TTC27: variants seen among roughly 807,000 people sequenced by gnomAD.
TTC27 encodes the protein tetratricopeptide repeat domain 27.
TTC27 carries 79 observed loss-of-function variants against 115.9 expected under a neutral mutation model. The ratio of observed to expected loss-of-function variants is 0.68; its 90% CI spans 0.57 to 0.82. The LOEUF (loss-of-function observed/expected upper bound fraction) is 0.82, where lower values mean the gene tolerates loss of function less well. TTC27 is among the 40% of genes least tolerant of loss of function. TTC27 has a pLI of 0.00. For synonymous variants in TTC27, 401 were observed against 356.0 expected (o/e 1.13, Z -1.42); for missense variants, 1,054 against 993.1 (o/e 1.06, Z -0.82).
chr2:32,691,782 G>A (rs1006482347), intron 9 of TTC27, among the ~76,000 whole-genome samples: 5 of 151,756 alleles, frequency 3.3e-5, no homozygotes, highest in African/African-American at 1.2e-4. Flanking sequence ...GTACATGAAA[G>A]ATTACATACT....
At chr2:32,658,790 G>C (rs1489843018) in intron 5 of TTC27, among the ~76,000 whole-genome samples, 1 of 152,076 alleles carries the variant, frequency 6.6e-6, no homozygotes, top group Non-Finnish European at 1.5e-5. Flanking sequence ...TTTATATGTA[G>C]TTAATTTTGA....
intron 16 of TTC27, among the ~76,000 whole-genome samples, chr2:32,789,902 C>T (rs1200748821): frequency 9.4e-6 from 1 of 106,108 alleles, no homozygotes; most frequent in Non-Finnish European, 1.7e-5. Context: ...GCCTGGATGA[C>T]AGAGCAAGAC....
At chr2:32,650,302 TTTTAG>T (rs1665050136) in intron 5 of TTC27, 69 bp downstream of exon 5, 3 of 1,158,854 alleles carry the variant, frequency 2.6e-6, no homozygotes, top group Non-Finnish European at 3.7e-6. Flanking sequence ...AGATACTCCT[TTTTAG>T]TTTATTTTTT....
chr2:32,692,036 G>GTTTTTTTTTTTTTGT (rs1666831756), intron 9 of TTC27, among the ~76,000 whole-genome samples: 2 of 61,188 alleles, frequency 3.3e-5, no homozygotes, highest in Non-Finnish European at 2.9e-5. Context: ...AATTTTTTAG[G>GTTTTTTTTTTTTTGT]TTTTTTTTTT....
At chr2:32,710,975 G>A (rs552257501) in intron 10 of TTC27, among the ~76,000 whole-genome samples, 4 of 151,658 alleles carry the variant, frequency 2.6e-5, no homozygotes, top group African/African-American at 9.7e-5. Context: ...CAATTAGCTA[G>A]GCATGGTGGT....
At chr2:32,661,667 G>T (rs957216845) in intron 5 of TTC27, among the ~76,000 whole-genome samples, 3 of 152,168 alleles carry the variant, frequency 2.0e-5, no homozygotes, top group African/African-American at 7.2e-5. Flanking sequence ...GAGATTTTGG[G>T]CTGAGACGAT....
chr2:32,758,401 T>G lies in TTC27; in HGVS notation c.1562T>G (p.Leu521Trp). 2 of 1,614,226 alleles carry G rather than the reference T, an allele frequency of 1.2e-6. No homozygotes were observed. The highest frequency in any genetic ancestry group is 1.7e-6 in the Non-Finnish European group (2 of 1,180,040). ...TCTTGCTATGACAAGGCCTGGGAGT[T>G]GTCCCGGTACCGCAGTGCTCGTGCT... ...DHSCYDKAWE[L>W]SRYRSARAQR... The change falls in exon 13 of 20, where the codon TTG (leucine) becomes TGG (tryptophan). Residue 521 changes from leucine (L) to tryptophan (W), a missense_variant. Coordinates refer to ENST00000317907, the MANE Select transcript of TTC27 (RefSeq NM_017735.5).
At chr2:32,739,205 G>A (rs1346824185) in intron 12 of TTC27, among the ~76,000 whole-genome samples, 1 of 152,182 alleles carries the variant, frequency 6.6e-6, no homozygotes, top group African/African-American at 2.4e-5. Flanking sequence ...AGTTCCCATT[G>A]CATCATTCTT....
chr2:32,675,051 A>G (rs1159276697), intron 8 of TTC27, among the ~76,000 whole-genome samples: 1 of 152,214 alleles, frequency 6.6e-6, no homozygotes, highest in Non-Finnish European at 1.5e-5. Flanking sequence ...AATAGCAACC[A>G]TTTATCAACA....
At chr2:32,635,534 A>C (rs141243856) in intron 3 of TTC27, among the ~76,000 whole-genome samples, 1 of 152,082 alleles carries the variant, frequency 6.6e-6, no homozygotes, top group African/African-American at 2.4e-5. Flanking sequence ...AAATACAAAA[A>C]TTAGCCGGGT....
At chr2:32,645,954 A>G (rs1219100870) in intron 4 of TTC27, among the ~76,000 whole-genome samples, 2 of 151,734 alleles carry the variant, frequency 1.3e-5, no homozygotes, top group Non-Finnish European at 2.9e-5. Flanking sequence ...TCCTGACCTC[A>G]ATGATCTGCT....
intron 16 of TTC27, among the ~76,000 whole-genome samples, chr2:32,799,527 A>G (rs1329497422): frequency 2.0e-5 from 3 of 152,226 alleles, no homozygotes; most frequent in African/African-American, 4.8e-5. Context: ...AAATATTTTT[A>G]ATCTCATAGA....
At chr2:32,638,612 C>T (rs947997465) in intron 3 of TTC27, among the ~76,000 whole-genome samples, 2 of 152,110 alleles carry the variant, frequency 1.3e-5, no homozygotes. Context: ...CTCCTGACCT[C>T]AGGTGATCCA....
chr2:32,720,687 C>T (rs1213187437), intron 10 of TTC27, among the ~76,000 whole-genome samples: 5 of 152,056 alleles, frequency 3.3e-5, no homozygotes, highest in South Asian at 2.1e-4. Flanking sequence ...TAATTCAGTA[C>T]CCTATGTGCT....
At chr2:32,666,590 G>T in intron 6 of TTC27, 45 bp from the exon 7 acceptor site, 1 of 1,602,998 alleles carries the variant, frequency 6.2e-7, no homozygotes, top group East Asian at 2.2e-5. Flanking sequence ...CTGTACAGTA[G>T]ATCTCATGGG....
At position 32,752,223 on chromosome 2, in the gene TTC27, C is replaced by T. The variant is rs139655708; in HGVS notation, c.1453-6069C>T. Among the ~76,000 whole-genome samples, 85 of 152,276 alleles carry T rather than the reference C, an allele frequency of 5.6e-4. 1 individual carries two copies. The highest frequency in any genetic ancestry group is 1.9e-3 in the African/African-American group (79 of 41,566). On this transcript the variant is annotated intron_variant, in intron 12 of 19. Coordinates refer to ENST00000317907, the MANE Select transcript of TTC27 (RefSeq NM_017735.5). Reference sequence around the variant, plus strand: ...CTTACACGGAACATCTACCATAGCACTTTTCAAAAATGCTGGTTCTCCCAT... The same window carrying T: ...CTTACACGGAACATCTACCATAGCATTTTTCAAAAATGCTGGTTCTCCCAT...
At chr2:32,668,868 A>G (rs1665900472) in intron 7 of TTC27, among the ~76,000 whole-genome samples, 1 of 152,024 alleles carries the variant, frequency 6.6e-6, no homozygotes, top group Non-Finnish European at 1.5e-5. Context: ...TCATGAGGTC[A>G]GGAGATGGAG....
chr2:32,667,244 T>TG (rs34436519), intron 7 of TTC27, among the ~76,000 whole-genome samples: 22 of 151,948 alleles, frequency 1.4e-4, no homozygotes, highest in Admixed American at 9.8e-4. Flanking sequence ...CTGTCATTAT[T>TG]GGGGGGGTGG....
chr2:32,648,294 A>C lies in TTC27; in HGVS notation c.538-1837A>C, dbSNP rs138448113. ...AGGCGCATGCCACCACACCTGGCTA[A>C]TTTTTCGTATTTTTAGTAGGAACCG... On this transcript the variant is annotated intron_variant, in intron 4 of 19. Coordinates refer to ENST00000317907, the MANE Select transcript of TTC27 (RefSeq NM_017735.5). Among the ~76,000 whole-genome samples the C allele has an allele frequency of 2.8e-3, 425 of 151,774 alleles. 2 individuals carry two copies. The highest frequency in any genetic ancestry group is 9.8e-3 in the African/African-American group (404 of 41,366).
Sources: gnomAD v4.1 joint callset for allele counts (sites outside exome capture counted in the v4.1 genomes callset) on GRCh38, gnomAD v4.1.1 for gene constraint, MANE v1.5 for transcripts, NCBI Gene and HGNC (gene_info 2026-07-23, HGNC 2026-07-21) for gene names.